ARHGEF33: variants seen among roughly 807,000 people sequenced by gnomAD.
ARHGEF33 encodes Rho guanine nucleotide exchange factor 33.
ARHGEF33 carries 72 observed loss-of-function variants against 101.9 expected under a neutral mutation model. The observed-to-expected ratio is 0.71, with a 90% CI of 0.58 to 0.86. The LOEUF is 0.86. ARHGEF33 is among the 40% of genes least tolerant of loss of function. ARHGEF33 has a pLI of 0.00. For synonymous variants in ARHGEF33, 499 were observed against 442.5 expected, an observed-to-expected ratio of 1.13 and a Z score of -1.60; for missense variants, 1,169 against 1,111.3, an observed-to-expected ratio of 1.05 and a Z score of -0.74.
intron 7 of ARHGEF33, among the ~76,000 whole-genome samples, chr2:38,932,613 T>C (rs558242986): frequency 2.4e-4 from 37 of 152,266 alleles, no homozygotes; most frequent in Admixed American, 6.5e-4. Context: ...AAGAGTATAG[T>C]ATAGGATAGG....
intron 14 of ARHGEF33, among the ~76,000 whole-genome samples, chr2:38,957,462 GC>G (rs2124419754): frequency 6.6e-6 from 1 of 152,296 alleles, no homozygotes; most frequent in Admixed American, 6.5e-5. Context: ...GAACAAAATG[GC>G]CCCAACCAAA....
At chr2:38,917,148 G>A (rs1666652744) in intron 2 of ARHGEF33, among the ~76,000 whole-genome samples, 1 of 127,968 alleles carries the variant, frequency 7.8e-6, no homozygotes, top group Non-Finnish European at 1.6e-5. Flanking sequence ...CTGGAGTGTA[G>A]TGGTGTGATC....
At chr2:38,893,622 A>T (rs960222558) in intron 1 of ARHGEF33, among the ~76,000 whole-genome samples, 3 of 152,132 alleles carry the variant, frequency 2.0e-5, no homozygotes, top group South Asian at 2.1e-4. Context: ...ACAATCCATT[A>T]TATGTTACAG....
At chr2:38,969,133 C>G (rs1668115280) in intron 17 of ARHGEF33, among the ~76,000 whole-genome samples, 1 of 152,172 alleles carries the variant, frequency 6.6e-6, no homozygotes, top group Non-Finnish European at 1.5e-5. Context: ...ACTCTGAAGT[C>G]AGGCCTGTGG....
At position 38,937,367 on chromosome 2, in the gene ARHGEF33, A is replaced by T. The variant is rs1450925542; in HGVS notation, c.598A>T (p.Asn200Tyr). Residue 200 changes from asparagine to tyrosine, a missense_variant, in exon 9 of 18, where the codon AAC (asparagine) becomes TAC (tyrosine). Coordinates refer to ENST00000409978, the MANE Select transcript of ARHGEF33 (RefSeq NM_001145451.5). Reference protein sequence around the residue: ...VNPTTPEAEENLKSCLSADIQ... With the variant: ...VNPTTPEAEEYLKSCLSADIQ... The stretch of plus-strand genomic sequence containing the variant: ...CCCAACAACTCCAGAAGCAGAAGAA[A>T]ACCTCAAGTCTTGCCTCTCGGCTGA... 3.0e-6 allele frequency: 4 copies of T among 1,339,128 alleles called. No homozygotes were observed. Among genetic ancestry groups the T allele is most frequent in the Admixed American group, 4.6e-5 (2 of 43,272 alleles). The allele number at this position is 1,339,128 out of a possible 1,614,324, so 83.0% of individuals were successfully genotyped here. A position where few individuals can be genotyped will look rare whatever the true frequency, so the allele number is the denominator to read the frequency against.
rs113830109 is a variant in ARHGEF33 at position 38,916,950 on chromosome 2, G to A, written c.-85-2413G>A. Among the ~76,000 whole-genome samples, 622 of 151,844 alleles carry A rather than the reference G, an allele frequency of 4.1e-3. 3 individuals are homozygous for A. The highest frequency in any genetic ancestry group is 0.014 in the African/African-American group (585 of 41,418). On this transcript the variant is annotated intron_variant, in intron 2 of 17. Coordinates refer to ENST00000409978, the MANE Select transcript of ARHGEF33 (RefSeq NM_001145451.5). ...TGAGTAGCTGGGATTACAGGCATGC[G>A]CCACCACGCCCGATTAATTTTGTAT...
intron 9 of ARHGEF33, among the ~76,000 whole-genome samples, chr2:38,943,517 G>C (rs1667364812): frequency 1.5e-5 from 2 of 136,984 alleles, no homozygotes; most frequent in South Asian, 5.0e-4. Context: ...TTGCCATGGG[G>C]AGGAAGTGAG....
intron 17 of ARHGEF33, chr2:38,972,026 G>A (rs1668176011): frequency 1.4e-6 from 1 of 697,076 alleles, no homozygotes; most frequent in African/African-American, 1.8e-5. Context: ...GCTAAGAGGG[G>A]AAATACGAGG....
In ARHGEF33 at chr2:38,960,349, T is replaced by C. The variant is rs1667890520; in HGVS notation, c.2044T>C (p.Ser682Pro). The C allele has an allele frequency of 1.6e-5, 24 of 1,533,084 alleles. No homozygotes were observed. Among genetic ancestry groups the C allele is most frequent in the Non-Finnish European group, 2.1e-5 (24 of 1,143,374 alleles). 95.0% of individuals were successfully genotyped at this position (1,533,084 alleles called of 1,614,324 possible). A position where few individuals can be genotyped will look rare whatever the true frequency, so the allele number is the denominator to read the frequency against. ...PLQPLPKSAT[S>P]PAGSSSAYKL... ...GCAGCCGCTGCCCAAGAGCGCTACG[T>C]CGCCGGCGGGCAGCAGCAGCGCCTA... Residue 682 changes from serine (S) to proline (P), a missense_variant, in exon 16 of 18, where the codon TCG becomes CCG. Transcript: ENST00000409978.
intron 2 of ARHGEF33, among the ~76,000 whole-genome samples, chr2:38,907,714 G>C (rs1232752805): frequency 6.6e-6 from 1 of 152,190 alleles, no homozygotes; most frequent in East Asian, 1.9e-4. Flanking sequence ...TTTCCCAGGA[G>C]AGCACTCTTG....
Position 38,958,106 on chromosome 2 carries a change from T to G in ARHGEF33, c.1443T>G (p.Thr481=). ...ATGCTGGGCAAGATGCTTCCCCCACTGCAGGTCCTGAGGCTGTCCGTGACA... is the reference window on the plus strand; with the variant it reads ...ATGCTGGGCAAGATGCTTCCCCCACGGCAGGTCCTGAGGCTGTCCGTGACA... The part of the protein sequence containing the change: ...CANAGQDASP[T]AGPEAVRDTG... The change falls in exon 15 of 18, where the codon ACT becomes ACG. Residue 481 remains threonine, a synonymous_variant. Transcript: ENST00000409978. 2 of 1,552,146 alleles carry G rather than the reference T, an allele frequency of 1.3e-6. No homozygotes were observed. The highest frequency in any genetic ancestry group is 1.7e-6 in the Non-Finnish European group (2 of 1,147,090).
intron 17 of ARHGEF33, among the ~76,000 whole-genome samples, chr2:38,970,490 T>C (rs1038072741): frequency 1.3e-5 from 2 of 152,340 alleles, no homozygotes; most frequent in African/African-American, 2.4e-5. Flanking sequence ...CATTTTCCAT[T>C]TCATTTCCTA....
intron 13 of ARHGEF33, among the ~76,000 whole-genome samples, chr2:38,956,368 A>C (rs544321586): frequency 9.2e-5 from 14 of 152,210 alleles, no homozygotes; most frequent in Non-Finnish European, 2.1e-4. Context: ...ATTAAATGAG[A>C]TAATATACAT....
In ARHGEF33 at chr2:38,905,098, A is replaced by T. The variant is rs78226847; in HGVS notation, c.-86+9249A>T. On this transcript the variant is annotated intron_variant, in intron 2 of 17. Coordinates refer to ENST00000409978, the MANE Select transcript of ARHGEF33 (RefSeq NM_001145451.5). ...AAAGATACCAATGTGATTTCAACAG[A>T]CTGAGATTCAGGTGACCATGGAACA... Among the ~76,000 whole-genome samples the T allele has an allele frequency of 2.5e-3, 388 of 152,246 alleles. 3 individuals carry two copies. Among genetic ancestry groups the T allele is most frequent in the African/African-American group, 9.0e-3 (374 of 41,544 alleles).
chr2:38,942,466 A>ATT (rs1667338663), intron 9 of ARHGEF33, among the ~76,000 whole-genome samples: 2 of 33,674 alleles, frequency 5.9e-5, no homozygotes, highest in African/African-American at 1.1e-4. Context: ...AGCCCCTCTT[A>ATT]TCTTTTTTTT....
intron 4 of ARHGEF33, among the ~76,000 whole-genome samples, chr2:38,927,773 C>T (rs1001084710): frequency 2.6e-5 from 4 of 152,200 alleles, no homozygotes; most frequent in Non-Finnish European, 5.9e-5. Context: ...TTTAAAGAGA[C>T]ATGTGGAGCT....
intron 9 of ARHGEF33, among the ~76,000 whole-genome samples, chr2:38,939,942 T>A (rs1667261172): frequency 1.3e-5 from 2 of 152,242 alleles, no homozygotes; most frequent in African/African-American, 4.8e-5. Flanking sequence ...AGCTTTCACA[T>A]TTAGGTCTAT....
At chr2:38,921,164 A>G (rs1448850515) in intron 3 of ARHGEF33, among the ~76,000 whole-genome samples, 2 of 152,210 alleles carry the variant, frequency 1.3e-5, no homozygotes, top group East Asian at 3.9e-4. Flanking sequence ...TTGCAAGAGT[A>G]TATCAGGTAG....
At chr2:38,959,713 T>G in intron 15 of ARHGEF33, 128 bp from the exon 16 acceptor site, 12 of 1,054,786 alleles carry the variant, frequency 1.1e-5, no homozygotes, top group Non-Finnish European at 1.6e-5. Context: ...TTAGTGGAAG[T>G]TTGTGGAGCT....
Sources: gnomAD v4.1 joint callset for allele counts (sites outside exome capture counted in the v4.1 genomes callset) on GRCh38, gnomAD v4.1.1 for gene constraint, MANE v1.5 for transcripts, NCBI Gene and HGNC (gene_info 2026-07-23, HGNC 2026-07-21) for gene names.